RBM19: variants seen among roughly 807,000 people sequenced by gnomAD.
RBM19 encodes the protein RNA binding motif protein 19, also known as probable RNA-binding protein 19.
Under a neutral mutation model 116.8 loss-of-function variants are expected in RBM19, and 94 were observed. The observed-to-expected ratio is 0.80, with a 90% CI of 0.68 to 0.95. The LOEUF is 0.95. Ranked by LOEUF, RBM19 falls within the 40% of genes least tolerant of loss-of-function variation. The pLI, the probability that RBM19 is intolerant of heterozygous loss-of-function variation, is 0.00. For synonymous variants in RBM19, 475 were observed against 494.1 expected (o/e 0.96, Z 0.51); for missense variants, 1,161 against 1,220.7 (o/e 0.95, Z 0.73).
At chr12:113,954,889 C>G (rs957066985) in intron 7 of RBM19, among the ~76,000 whole-genome samples, 1 of 152,126 alleles carries the variant, frequency 6.6e-6, no homozygotes, top group Non-Finnish European at 1.5e-5. Context: ...AGAGTGTGTG[C>G]CCACCCTGGT....
chr12:113,964,119 C>T (rs1344344864), intron 1 of RBM19, among the ~76,000 whole-genome samples: 2 of 152,226 alleles, frequency 1.3e-5, no homozygotes, highest in South Asian at 4.1e-4. Context: ...GCTTATCCAC[C>T]TCTATCTACA....
At chr12:113,909,050 A>G (rs1250864020) in intron 21 of RBM19, among the ~76,000 whole-genome samples, 1 of 152,248 alleles carries the variant, frequency 6.6e-6, no homozygotes, top group East Asian at 1.9e-4. Flanking sequence ...ACCGCAGGAC[A>G]GGCTGAGCTA....
At position 113,920,660 on chromosome 12, in the gene RBM19, A is replaced by T; in HGVS notation, c.2336T>A (p.Val779Glu). 6.2e-7 allele frequency: 1 copy of T among 1,614,052 alleles called. No individual in the cohort carries two copies. Among genetic ancestry groups the T allele is most frequent in the Non-Finnish European group, 8.5e-7 (1 of 1,179,998 alleles). The change falls in exon 19 of 24, where the codon GTG becomes GAG. Residue 779 changes from valine to glutamate, a missense_variant. Transcript: ENST00000261741. ...GVLLSMGFGFVEYRKPEQAQK... is the reference protein window; with the variant it reads ...GVLLSMGFGFEEYRKPEQAQK... ...GGCTTGCTCCGGCTTCCTGTATTCC[A>T]CAAATCCAAACCCCATGGAAAGGAG...
At chr12:113,867,297 A>T (rs1878889721) in intron 21 of RBM19, among the ~76,000 whole-genome samples, 1 of 152,188 alleles carries the variant, frequency 6.6e-6, no homozygotes, top group Admixed American at 6.5e-5. Flanking sequence ...CGAAATCACA[A>T]TTTGAAGCTT....
intron 15 of RBM19, among the ~76,000 whole-genome samples, chr12:113,938,346 C>G (rs78522172): frequency 6.6e-6 from 1 of 151,936 alleles, no homozygotes; most frequent in Non-Finnish European, 1.5e-5. Context: ...AAGACTATTA[C>G]GGGGTTAAAG....
At chr12:113,859,479 C>T (rs1213170267) in intron 21 of RBM19, among the ~76,000 whole-genome samples, 2 of 152,180 alleles carry the variant, frequency 1.3e-5, no homozygotes, top group African/African-American at 2.4e-5. Context: ...AACCCTGCTT[C>T]CCCTCCCTGT....
chr12:113,837,032 C>T lies in RBM19; in HGVS notation c.2785+7636G>A, dbSNP rs565737866. ...ACACACACACACACACACACACACA[C>T]GTCCCAAGCAATGCTTATGTGTCAG... On this transcript the variant is annotated intron_variant, in intron 23 of 23. Coordinates refer to ENST00000261741, the MANE Select transcript of RBM19 (RefSeq NM_016196.4). Among the ~76,000 whole-genome samples, 443 of 106,962 alleles carry T rather than the reference C, an allele frequency of 4.1e-3. 9 individuals are homozygous for T. The highest frequency in any genetic ancestry group is 0.015 in the African/African-American group (412 of 26,868). The allele number at this position is 106,962 out of a possible 152,430, so 70.2% of individuals were successfully genotyped here. A position where few individuals can be genotyped will look rare whatever the true frequency, so the allele number is the denominator to read the frequency against.
chr12:113,870,512 G>T (rs1213834891), intron 21 of RBM19, among the ~76,000 whole-genome samples: 1 of 152,130 alleles, frequency 6.6e-6, no homozygotes, highest in Non-Finnish European at 1.5e-5. Context: ...TCAACCTAAG[G>T]CAGGAATCTT....
At chr12:113,878,492 G>A (rs1372799222) in intron 21 of RBM19, among the ~76,000 whole-genome samples, 1 of 152,168 alleles carries the variant, frequency 6.6e-6, no homozygotes, top group African/African-American at 2.4e-5. Context: ...GCAGACAGCT[G>A]AACCTGGCAT....
intron 15 of RBM19, 85 bp from the exon 16 acceptor site, chr12:113,937,221 C>A: frequency 6.6e-7 from 1 of 1,516,436 alleles, no homozygotes; most frequent in Non-Finnish European, 8.9e-7. Flanking sequence ...GATCACAGCC[C>A]AAGGGTCACA....
At chr12:113,861,809 T>A (rs1878426080) in intron 21 of RBM19, among the ~76,000 whole-genome samples, 1 of 152,136 alleles carries the variant, frequency 6.6e-6, no homozygotes, top group Admixed American at 6.5e-5. Context: ...GCACCCTGGA[T>A]CTACCAGGGA....
At chr12:113,850,316 C>A (rs1325641318) in intron 22 of RBM19, among the ~76,000 whole-genome samples, 1 of 152,208 alleles carries the variant, frequency 6.6e-6, no homozygotes, top group Non-Finnish European at 1.5e-5. Flanking sequence ...CAGGAAAGCT[C>A]TGAGCAGGTC....
At chr12:113,889,670 CAACAAA>C (rs201931403) in intron 21 of RBM19, among the ~76,000 whole-genome samples, 74 of 64,188 alleles carry the variant, frequency 1.2e-3, no homozygotes, top group Admixed American at 5.9e-3. Context: ...AACAAACAAA[CAACAAA>C]AAAAAAAACA....
At chr12:113,927,455 G>A in intron 16 of RBM19, 1 of 524,206 alleles carries the variant, frequency 1.9e-6, no homozygotes, top group Non-Finnish European at 3.3e-6. Context: ...TAAAGAGAAA[G>A]GAATACAAAA....
At chr12:113,835,166 G>A (rs1593460227) in intron 23 of RBM19, among the ~76,000 whole-genome samples, 1 of 152,116 alleles carries the variant, frequency 6.6e-6, no homozygotes, top group Non-Finnish European at 1.5e-5. Flanking sequence ...CCTTCCTTGT[G>A]GGGTGACTGT....
chr12:113,855,251 C>G (rs1326381251), intron 22 of RBM19, among the ~76,000 whole-genome samples: 1 of 152,040 alleles, frequency 6.6e-6, no homozygotes, highest in Non-Finnish European at 1.5e-5. Context: ...GGCAAACGGA[C>G]TGGTGGATGA....
In RBM19 at chr12:113,827,034, A is replaced by G. The variant is rs7978884; in HGVS notation, c.2786-3713T>C. Among the ~76,000 whole-genome samples the G allele has an allele frequency of 4.6e-3, 706 of 152,260 alleles. 10 individuals carry two copies. Among genetic ancestry groups the G allele is most frequent in the African/African-American group, 0.016 (674 of 41,534 alleles). ...CATGTCAGGCCCCGAGTTCCCACCG[A>G]ATGACACCCCGCACCTCCCGCTGGC... On this transcript the variant is annotated intron_variant, in intron 23 of 23. Transcript: ENST00000261741.
chr12:113,833,937 G>A (rs902018692), intron 23 of RBM19, among the ~76,000 whole-genome samples: 1 of 151,954 alleles, frequency 6.6e-6, no homozygotes, highest in Non-Finnish European at 1.5e-5. Context: ...TTAGAGACGG[G>A]GTCTCGCTAT....
intron 10 of RBM19, 50 bp from the exon 11 acceptor site, chr12:113,947,514 CCA>C: frequency 6.5e-7 from 1 of 1,546,594 alleles, no homozygotes; most frequent in Non-Finnish European, 8.8e-7. Context: ...CCACTTGGCC[CCA>C]GGGAAGAATG....
Sources: allele counts gnomAD v4.1 joint callset (sites outside exome capture counted in the v4.1 genomes callset), GRCh38; gene constraint gnomAD v4.1.1; transcripts MANE v1.5; gene names NCBI Gene and HGNC (gene_info 2026-07-23, HGNC 2026-07-21).